The following TAPT1 variants were observed in gnomAD, a reference collection of about 807,000 sequenced individuals.
TAPT1 encodes the protein transmembrane anterior posterior transformation protein 1 homolog.
TAPT1 carries 28 observed loss-of-function variants against 65.6 expected under a neutral mutation model. The observed-to-expected ratio is 0.43, with a 90% confidence interval of 0.32 to 0.59. The LOEUF (loss-of-function observed/expected upper bound fraction) is 0.59. TAPT1 is among the 20% of genes least tolerant of loss of function. TAPT1 has a pLI of 0.09. For missense variants in TAPT1, 563 were observed against 679.9 expected, an observed-to-expected ratio of 0.83 and a Z score of 1.91; for synonymous variants, 278 against 245.2, an observed-to-expected ratio of 1.13 and a Z score of -1.25.
At position 16,170,805 on chromosome 4, in the gene TAPT1, A is replaced by C. The variant is rs577038494; in HGVS notation, c.1237-76T>G. 4 of 1,125,544 alleles carry C rather than the reference A, an allele frequency of 3.6e-6. No homozygotes were observed. In the East Asian group the frequency reaches 9.7e-5, roughly 27 times the overall value. 69.7% of individuals were successfully genotyped at this position (1,125,544 alleles called of 1,614,324 possible). On this transcript the variant is annotated intron_variant, in intron 11 of 13. Coordinates refer to ENST00000405303, the MANE Select transcript of TAPT1 (RefSeq NM_153365.3). ...CCACAGAGTTATTAGTTAATACTTA[A>C]AAAGATTTCTCCATGCTGACTTTAA...
chr4:16,225,895 A>G (rs980143585), intron 1 of TAPT1: 5 of 986,352 alleles, frequency 5.1e-6, no homozygotes, highest in Non-Finnish European at 4.8e-6. Context: ...TATAATTAAG[A>G]AATCAGCCGT....
At chr4:16,196,628 G>C in intron 3 of TAPT1, 1 of 1,217,976 alleles carries the variant, frequency 8.2e-7, no homozygotes, top group Admixed American at 2.3e-5. Flanking sequence ...TTGGCCAAGA[G>C]TATAGAAGGA....
rs1421459184 is a variant in TAPT1 at position 16,160,597 on chromosome 4, G to A, written c.*2711C>T. 2 of 152,124 alleles carry A rather than the reference G, an allele frequency of 1.3e-5. No individual in the cohort carries two copies. The highest frequency in any genetic ancestry group is 1.5e-5 in the Non-Finnish European group (1 of 68,038). 9.4% of individuals were successfully genotyped at this position (152,124 alleles called of 1,614,324 possible). ...TGTGACCAGCAGACATTATTTCATC[G>A]ACTTGTTCCTATCAGTCTTCCACAG... On this transcript the variant is annotated 3_prime_UTR_variant, in exon 14 of 14. Coordinates refer to ENST00000405303, the MANE Select transcript of TAPT1 (RefSeq NM_153365.3).
chr4:16,226,521 C>T, upstream of TAPT1: 2 of 948,720 alleles, frequency 2.1e-6, no homozygotes, highest in Non-Finnish European at 2.5e-6. Context: ...CCGGCCCCCT[C>T]CCCGCCTCGC....
intron 1 of TAPT1, 44 bp from the exon 2 acceptor site, chr4:16,213,942 T>A: frequency 6.5e-7 from 1 of 1,545,022 alleles, no homozygotes; most frequent in Non-Finnish European, 8.7e-7. Flanking sequence ...ACAGTATTTA[T>A]CAAGGAACTT....
chr4:16,179,685 CTGTAG>C (rs1748586028), intron 7 of TAPT1, 28 bp from the exon 8 acceptor site: 2 of 1,226,794 alleles, frequency 1.6e-6, no homozygotes, highest in South Asian at 1.4e-5. Context: ...AACATAAGTA[CTGTAG>C]TGTATATAAA....
At chr4:16,197,081 GA>G (rs1395526450) in intron 3 of TAPT1, among the ~76,000 whole-genome samples, 1 of 152,120 alleles carries the variant, frequency 6.6e-6, no homozygotes, top group East Asian at 1.9e-4. Flanking sequence ...GCATACGAAG[GA>G]AACTCAAAAG....
At position 16,200,432 on chromosome 4, in the gene TAPT1, C is replaced by A. The variant is rs150893106; in HGVS notation, c.449+2030G>T. Among the ~76,000 whole-genome samples the A allele has an allele frequency of 8.7e-4, 133 of 152,286 alleles. No individual in the cohort carries two copies. The East Asian group carries it at 0.025, about 28-fold the overall frequency. On this transcript the variant is annotated intron_variant, in intron 3 of 13. Coordinates refer to ENST00000405303, the MANE Select transcript of TAPT1 (RefSeq NM_153365.3). ...TGACTTCTCAGGGTCAAGTGATTTT[C>A]CAACCTCTCAGCCTCTGGTGTAGCT...
At chr4:16,196,418 A>G (rs1207373776) in intron 3 of TAPT1, among the ~76,000 whole-genome samples, 4 of 152,224 alleles carry the variant, frequency 2.6e-5, no homozygotes, top group Admixed American at 1.3e-4. Flanking sequence ...TAACATGTGT[A>G]AAGATGACTT....
chr4:16,168,184 G>A (rs888841423), intron 12 of TAPT1, among the ~76,000 whole-genome samples: 16 of 151,652 alleles, frequency 1.1e-4, no homozygotes, highest in African/African-American at 3.4e-4. Context: ...CATGATCATC[G>A]CTCACTGCAG....
chr4:16,166,989 C>CTTTT, intron 12 of TAPT1, 196 bp from the exon 13 acceptor site: 2 of 292,804 alleles, frequency 6.8e-6, no homozygotes, highest in Non-Finnish European at 1.2e-5. Context: ...TTCCTTAGTT[C>CTTTT]TCTTTTTTTT....
At chr4:16,223,071 A>T (rs1202089229) in intron 1 of TAPT1, among the ~76,000 whole-genome samples, 2 of 152,092 alleles carry the variant, frequency 1.3e-5, no homozygotes, top group African/African-American at 4.8e-5. Flanking sequence ...ACTAGAAGCA[A>T]CCTAGATGCT....
At chr4:16,199,409 A>C (rs1290905864) in intron 3 of TAPT1, among the ~76,000 whole-genome samples, 4 of 152,206 alleles carry the variant, frequency 2.6e-5, no homozygotes, top group African/African-American at 9.7e-5. Flanking sequence ...AAATTAATTT[A>C]GATTCAAAGT....
In TAPT1 at chr4:16,174,279, AG is replaced by A. The variant is rs1304758040; in HGVS notation, c.1168-8del. The A allele has an allele frequency of 3.1e-6, 5 of 1,597,258 alleles. No individual in the cohort carries two copies. In the Admixed American group the frequency reaches 7.0e-5, roughly 22 times the overall value. On this transcript the variant is annotated splice_region_variant and splice_polypyrimidine_tract_variant and intron_variant, in intron 10 of 13. Coordinates refer to ENST00000405303, the MANE Select transcript of TAPT1 (RefSeq NM_153365.3). ...CACTGTAATCAGTGTATGCCTGAAC[AG>A]AGAAAGAAGCAAAAGATTCAGATTT...
chr4:16,194,871 TTCTTCTTCTTC>T (rs1578449707), intron 3 of TAPT1, among the ~76,000 whole-genome samples: 2 of 35,294 alleles, frequency 5.7e-5, no homozygotes, highest in East Asian at 3.0e-3. Context: ...CTTCTTCTTC[TTCTTCTTCTTC>T]TTCTTCTTCT....
At position 16,209,595 on chromosome 4, in the gene TAPT1, TTGTACCTGA is replaced by T. The variant is rs1222756096; in HGVS notation, c.330+4164_330+4172del. Among the ~76,000 whole-genome samples, 13 of 152,310 alleles carry T rather than the reference TTGTACCTGA, an allele frequency of 8.5e-5. No homozygotes were observed. The East Asian group carries it at 2.3e-3, about 27-fold the overall frequency. On this transcript the variant is annotated intron_variant, in intron 2 of 13. Transcript: ENST00000405303. Reference sequence around the variant, plus strand: ...ATTAGTCCTTAGACAAGGGACAATTTTGTACCTGATGCATGGTAAACTGTTCCTAGGGGA... The same window carrying T: ...ATTAGTCCTTAGACAAGGGACAATTTTGCATGGTAAACTGTTCCTAGGGGA...
chr4:16,166,601 T>C, intron 13 of TAPT1, 32 bp downstream of exon 13: 1 of 1,606,596 alleles, frequency 6.2e-7, no homozygotes. Context: ...TTGAAAATGA[T>C]CCAGGGAAGT....
intron 10 of TAPT1, 86 bp from the exon 11 acceptor site, chr4:16,174,358 T>G (rs1406607644): frequency 9.9e-6 from 12 of 1,206,424 alleles, no homozygotes; most frequent in Non-Finnish European, 1.4e-5. Context: ...CCAGCAAATG[T>G]TCTAAACAGG....
At chr4:16,196,746 A>G (rs892703035) in intron 3 of TAPT1, 40 of 1,247,992 alleles carry the variant, frequency 3.2e-5, no homozygotes, top group Non-Finnish European at 3.9e-5. Flanking sequence ...AGAGAAAGAA[A>G]GAGAGAAGAT....
Sources: allele counts gnomAD v4.1 joint callset (sites outside exome capture counted in the v4.1 genomes callset), GRCh38; gene constraint gnomAD v4.1.1; transcripts MANE v1.5; gene names NCBI Gene and HGNC (gene_info 2026-07-23, HGNC 2026-07-21).